The following SLC25A21 variants were observed in gnomAD, a reference collection of about 807,000 sequenced individuals.
SLC25A21 encodes solute carrier family 25 member 21, also known as mitochondrial 2-oxodicarboxylate carrier.
SLC25A21 carries 47 observed loss-of-function variants against 43.8 expected under a neutral mutation model. The ratio of observed to expected loss-of-function variants is 1.07; its 90% CI spans 0.85 to 1.37. The LOEUF is 1.37. Ranked by LOEUF, SLC25A21 falls within the 40% of genes most tolerant of loss-of-function variation. The pLI, the probability that SLC25A21 is intolerant of heterozygous loss-of-function variation, is 0.00. For synonymous variants in SLC25A21, 131 were observed against 121.3 expected, an observed-to-expected ratio of 1.08 and a Z score of -0.52; for missense variants, 352 against 350.2, an observed-to-expected ratio of 1.00 and a Z score of -0.04.
rs1396595600 is a variant in SLC25A21 at position 36,711,387 on chromosome 14, T to C, written c.534A>G (p.Arg178=). Residue 178 remains arginine (R), a synonymous_variant, in exon 7 of 10, where the codon CGA becomes CGG. Coordinates refer to ENST00000331299, the MANE Select transcript of SLC25A21 (RefSeq NM_030631.4). The part of the protein sequence containing the change: ...LNKGLTATLG[R]HGVFNMVYFG... ...AATAAACCATGTTGAAAACTCCATG[T>C]CGTCCCAAAGTTGCAGTTAATCCTT... is the stretch of plus-strand genomic sequence containing the variant. The C allele has an allele frequency of 6.2e-7, 1 of 1,614,202 alleles. No individual in the cohort carries two copies. Among genetic ancestry groups the C allele is most frequent in the Admixed American group, 1.7e-5 (1 of 60,022 alleles).
At position 36,678,849 on chromosome 14, in the gene SLC25A21, A is replaced by G; in HGVS notation, c.*1809T>C. 1 of 978,894 alleles carries G rather than the reference A, an allele frequency of 1.0e-6. No homozygotes were observed. Among genetic ancestry groups the G allele is most frequent in the Non-Finnish European group, 1.2e-6 (1 of 819,094 alleles). The allele number at this position is 978,894 out of a possible 1,614,324, so 60.6% of individuals were successfully genotyped here. A position where few individuals can be genotyped will look rare whatever the true frequency, so the allele number is the denominator to read the frequency against. On this transcript the variant is annotated 3_prime_UTR_variant, in exon 10 of 10. Transcript: ENST00000331299. ...GTGAATTCACATGGAGTAATTTTTA[A>G]AAGATATCAGATACAATTTGCTATT... is the stretch of plus-strand genomic sequence containing the variant.
intron 1 of SLC25A21, among the ~76,000 whole-genome samples, chr14:37,034,426 T>C (rs1333259537): frequency 6.6e-6 from 1 of 152,240 alleles, no homozygotes; most frequent in Non-Finnish European, 1.5e-5. Context: ...CAAAATCACT[T>C]GGGCACTGAG....
At chr14:36,771,415 C>G (rs2138357333) in intron 3 of SLC25A21, among the ~76,000 whole-genome samples, 1 of 152,044 alleles carries the variant, frequency 6.6e-6, no homozygotes. Context: ...CCATTGTTAT[C>G]AGAACAAAGA....
intron 3 of SLC25A21, among the ~76,000 whole-genome samples, chr14:36,808,338 G>A (rs540622480): frequency 3.3e-5 from 5 of 152,278 alleles, no homozygotes; most frequent in South Asian, 2.1e-4. Context: ...AAAGGATGGG[G>A]CAATGATTAG....
At chr14:37,012,405 A>G (rs566260595) in intron 1 of SLC25A21, among the ~76,000 whole-genome samples, 25 of 152,174 alleles carry the variant, frequency 1.6e-4, no homozygotes, top group Non-Finnish European at 1.9e-4. Context: ...AACGCTGCAA[A>G]TTCTGTCTCA....
chr14:36,858,159 C>T (rs1009802485), intron 2 of SLC25A21, among the ~76,000 whole-genome samples: 3 of 152,070 alleles, frequency 2.0e-5, no homozygotes, highest in Admixed American at 6.5e-5. Context: ...CATGAAGTAA[C>T]GTTTGCAAAA....
intron 1 of SLC25A21, among the ~76,000 whole-genome samples, chr14:36,947,442 T>C (rs1230426663): frequency 1.3e-5 from 2 of 152,182 alleles, no homozygotes; most frequent in African/African-American, 4.8e-5. Context: ...AAAGATAGTT[T>C]GTCTTCAGCT....
rs144557342 is a variant in SLC25A21 at position 37,039,872 on chromosome 14, T to C, written c.70+132409A>G. ...TGTAAATCAGACTTGAGGCTAAGCT[T>C]GAGGCAGGTTTTGGTGGATGAGTTG... is the stretch of plus-strand genomic sequence containing the variant. On this transcript the variant is annotated intron_variant, in intron 1 of 9. Transcript: ENST00000331299. Among the ~76,000 whole-genome samples, 850 of 152,118 alleles carry C rather than the reference T, an allele frequency of 5.6e-3. 7 individuals are homozygous for C. Among genetic ancestry groups the C allele is most frequent in the African/African-American group, 0.015 (611 of 41,512 alleles).
At chr14:36,976,865 T>C (rs911108198) in intron 1 of SLC25A21, among the ~76,000 whole-genome samples, 1 of 152,232 alleles carries the variant, frequency 6.6e-6, no homozygotes, top group Non-Finnish European at 1.5e-5. Flanking sequence ...AAAGTGCTAG[T>C]CATCTTGTCC....
intron 1 of SLC25A21, among the ~76,000 whole-genome samples, chr14:37,112,054 A>G (rs1963029180): frequency 1.3e-5 from 2 of 152,172 alleles, no homozygotes; most frequent in Non-Finnish European, 2.9e-5. Flanking sequence ...CCTTGCCTTC[A>G]TGAAGCTTAT....
At chr14:36,838,624 G>A (rs1437078163) in intron 2 of SLC25A21, among the ~76,000 whole-genome samples, 1 of 152,144 alleles carries the variant, frequency 6.6e-6, no homozygotes, top group Non-Finnish European at 1.5e-5. Flanking sequence ...TTAGAGACAG[G>A]AAAAAGTGAA....
At position 36,948,812 on chromosome 14, in the gene SLC25A21, T is replaced by A. The variant is rs542287848; in HGVS notation, c.71-73808A>T. Among the ~76,000 whole-genome samples, 3 of 152,128 alleles carry A rather than the reference T, an allele frequency of 2.0e-5. No individual in the cohort carries two copies. The East Asian group carries it at 5.8e-4, about 29-fold the overall frequency. On this transcript the variant is annotated intron_variant, in intron 1 of 9. Transcript: ENST00000331299. ...GACCTCATTAATATTTTAAATTAAATATTATGTTAATATTTTAAATTATGT... is the reference window on the plus strand; with the variant it reads ...GACCTCATTAATATTTTAAATTAAAAATTATGTTAATATTTTAAATTATGT...
chr14:37,111,577 T>C (rs981535806), intron 1 of SLC25A21, among the ~76,000 whole-genome samples: 3 of 152,092 alleles, frequency 2.0e-5, no homozygotes, highest in African/African-American at 7.2e-5. Flanking sequence ...AGTCAAATAA[T>C]AGAATGAATT....
intron 6 of SLC25A21, among the ~76,000 whole-genome samples, chr14:36,722,305 CAG>C (rs1488329705): frequency 6.6e-6 from 1 of 152,150 alleles, no homozygotes; most frequent in African/African-American, 2.4e-5. Flanking sequence ...CGGCAGAACA[CAG>C]AGGATTTTCA....
intron 5 of SLC25A21, among the ~76,000 whole-genome samples, chr14:36,726,597 C>A (rs1207802993): frequency 1.3e-5 from 2 of 152,180 alleles, no homozygotes; most frequent in African/African-American, 4.8e-5. Flanking sequence ...AGAATTTCTG[C>A]AACAGGAAAG....
At chr14:36,813,710 T>C (rs1888352970) in intron 3 of SLC25A21, among the ~76,000 whole-genome samples, 2 of 152,218 alleles carry the variant, frequency 1.3e-5, no homozygotes, top group Admixed American at 1.3e-4. Flanking sequence ...CCTCTAGTCA[T>C]TAAACTAGTT....
At chr14:36,760,269 C>G (rs1886093402) in intron 3 of SLC25A21, among the ~76,000 whole-genome samples, 1 of 151,216 alleles carries the variant, frequency 6.6e-6, no homozygotes, top group Non-Finnish European at 1.5e-5. Flanking sequence ...AATTGCATTT[C>G]ACAAGGCACA....
At chr14:36,893,121 C>A (rs1334853712) in intron 1 of SLC25A21, among the ~76,000 whole-genome samples, 1 of 152,190 alleles carries the variant, frequency 6.6e-6, no homozygotes, top group Non-Finnish European at 1.5e-5. Flanking sequence ...GAGGAATCGC[C>A]ACACTGACTT....
At chr14:36,999,810 G>A (rs1960448660) in intron 1 of SLC25A21, among the ~76,000 whole-genome samples, 1 of 152,146 alleles carries the variant, frequency 6.6e-6, no homozygotes, top group Non-Finnish European at 1.5e-5. Context: ...CAGATTGCTT[G>A]AAGGCTCACA....
Sources: allele counts gnomAD v4.1 joint callset (sites outside exome capture counted in the v4.1 genomes callset), GRCh38; gene constraint gnomAD v4.1.1; transcripts MANE v1.5; gene names NCBI Gene and HGNC (gene_info 2026-07-23, HGNC 2026-07-21).